F13A1: variants seen among roughly 807,000 people sequenced by gnomAD.
The protein encoded by F13A1 is FSF, A subunit.
Under a neutral mutation model 80.1 loss-of-function variants are expected in F13A1, and 47 were observed. That is an observed-to-expected ratio of 0.59 (90% CI 0.46 to 0.75). The LOEUF (loss-of-function observed/expected upper bound fraction) is 0.75. F13A1 is among the 30% of genes least tolerant of loss of function. The pLI, the probability that F13A1 is intolerant of heterozygous loss-of-function variation, is 0.00. For missense variants in F13A1, 817 were observed against 930.4 expected (o/e 0.88, Z 1.59); for synonymous variants, 349 against 344.9 (o/e 1.01, Z -0.13).
chr6:6,290,663 A>C (rs1448486418), intron 3 of F13A1, among the ~76,000 whole-genome samples: 1 of 152,236 alleles, frequency 6.6e-6, no homozygotes, highest in Non-Finnish European at 1.5e-5. Context: ...ACAGGTGTTC[A>C]TAGAGAACAC....
chr6:6,149,819 A>G (rs77891721), intron 14 of F13A1, among the ~76,000 whole-genome samples: 7,258 of 152,336 alleles, frequency 0.048, 237 homozygotes, highest in Non-Finnish European at 0.071. Flanking sequence ...AGTAACTACT[A>G]ACAGTACCTT....
intron 2 of F13A1, among the ~76,000 whole-genome samples, chr6:6,309,440 G>A (rs115818989): frequency 6.6e-5 from 10 of 152,272 alleles, no homozygotes; most frequent in African/African-American, 1.9e-4. Context: ...ATGTGGAAAG[G>A]GGGGTGGAGA....
intron 6 of F13A1, among the ~76,000 whole-genome samples, chr6:6,233,147 G>T (rs868010243): frequency 4.0e-5 from 6 of 151,796 alleles, no homozygotes; most frequent in Non-Finnish European, 5.9e-5. Flanking sequence ...AAATACAAAA[G>T]ATAAATGAAA....
chr6:6,155,805 A>T (rs565782395), intron 13 of F13A1, among the ~76,000 whole-genome samples: 1 of 152,294 alleles, frequency 6.6e-6, no homozygotes, highest in East Asian at 1.9e-4. Context: ...AACAATGACT[A>T]TTTGGGGAGA....
intron 6 of F13A1, among the ~76,000 whole-genome samples, chr6:6,238,491 G>A (rs1757441586): frequency 6.6e-6 from 1 of 151,822 alleles, no homozygotes; most frequent in African/African-American, 2.4e-5. Flanking sequence ...CATTTACTGG[G>A]GATGACTATT....
intron 6 of F13A1, among the ~76,000 whole-genome samples, chr6:6,239,113 A>G (rs1465097121): frequency 2.0e-5 from 3 of 152,232 alleles, no homozygotes; most frequent in Non-Finnish European, 4.4e-5. Flanking sequence ...ACATGCATCA[A>G]TAGGTGAATG....
intron 3 of F13A1, among the ~76,000 whole-genome samples, chr6:6,288,039 A>G (rs555404511): frequency 3.3e-5 from 5 of 152,332 alleles, no homozygotes; most frequent in African/African-American, 1.2e-4. Flanking sequence ...TGGGGAATCT[A>G]TTGGGATACA....
intron 13 of F13A1, 95 bp downstream of exon 13, chr6:6,167,362 TC>T: frequency 3.6e-6 from 4 of 1,114,118 alleles, no homozygotes; most frequent in Non-Finnish European, 3.8e-6. Flanking sequence ...GGACATTCAT[TC>T]ACACACACAC....
intron 6 of F13A1, 79 bp downstream of exon 6, chr6:6,248,233 C>T: frequency 9.0e-7 from 1 of 1,105,046 alleles, no homozygotes; most frequent in Non-Finnish European, 1.4e-6. Flanking sequence ...ATCATTTCAG[C>T]AGCTCTTAAT....
chr6:6,247,202 A>T (rs184492503), intron 6 of F13A1, among the ~76,000 whole-genome samples: 62 of 152,290 alleles, frequency 4.1e-4, no homozygotes, highest in African/African-American at 1.4e-3. Context: ...CATTCTTAAA[A>T]GCTAACCAGA....
intron 3 of F13A1, among the ~76,000 whole-genome samples, chr6:6,279,334 T>A (rs1424141651): frequency 1.3e-5 from 2 of 152,212 alleles, no homozygotes; most frequent in Non-Finnish European, 2.9e-5. Context: ...AGAAATAGGA[T>A]GTTGGTGTCA....
chr6:6,186,799 G>A (rs374411393), intron 10 of F13A1, among the ~76,000 whole-genome samples: 3 of 151,226 alleles, frequency 2.0e-5, no homozygotes, highest in African/African-American at 4.9e-5. Context: ...CATTGAATCT[G>A]TAAATTACCT....
intron 2 of F13A1, among the ~76,000 whole-genome samples, chr6:6,312,333 A>C (rs1319365923): frequency 1.8e-4 from 27 of 152,006 alleles, no homozygotes; most frequent in Admixed American, 6.6e-5. Flanking sequence ...GTGGGGAAAA[A>C]CTAAGGCAGT....
At chr6:6,314,290 C>T (rs1291621772) in intron 2 of F13A1, among the ~76,000 whole-genome samples, 1 of 152,046 alleles carries the variant, frequency 6.6e-6, no homozygotes, top group African/African-American at 2.4e-5. Context: ...CTCCCTACCA[C>T]TTTGTAAAGC....
At chr6:6,232,221 A>C (rs1290345864) in intron 6 of F13A1, among the ~76,000 whole-genome samples, 3 of 152,212 alleles carry the variant, frequency 2.0e-5, no homozygotes, top group Non-Finnish European at 4.4e-5. Context: ...CTAACACATA[A>C]GGACTCACAT....
chr6:6,173,950 T>A (rs786734), intron 12 of F13A1, among the ~76,000 whole-genome samples: 95,684 of 151,840 alleles, frequency 0.63, 30,639 homozygotes, highest in Middle Eastern at 0.78. Flanking sequence ...TACATTTTTT[T>A]CAAACTCCTG....
At chr6:6,236,440 C>T (rs72817028) in intron 6 of F13A1, among the ~76,000 whole-genome samples, 1 of 152,166 alleles carries the variant, frequency 6.6e-6, no homozygotes, top group Non-Finnish European at 1.5e-5. Flanking sequence ...ATGACCCGTA[C>T]TGGACTTCTG....
chr6:6,263,575 T>C (rs1475000770), intron 4 of F13A1, among the ~76,000 whole-genome samples: 1 of 152,232 alleles, frequency 6.6e-6, no homozygotes, highest in African/African-American at 2.4e-5. Context: ...TGTTTACATG[T>C]CTAGCTCAGC....
At chr6:6,213,670 A>T (rs1210566115) in intron 8 of F13A1, among the ~76,000 whole-genome samples, 8 of 151,050 alleles carry the variant, frequency 5.3e-5, no homozygotes, top group African/African-American at 1.9e-4. Flanking sequence ...TCAAATTCAC[A>T]CATGACAATA....
Sources: allele counts gnomAD v4.1 joint callset (sites outside exome capture counted in the v4.1 genomes callset), GRCh38; gene constraint gnomAD v4.1.1; transcripts MANE v1.5; gene names NCBI Gene and HGNC (gene_info 2026-07-23, HGNC 2026-07-21).